The following LRP1B variants were observed in gnomAD, a reference collection of about 807,000 sequenced individuals.
The protein encoded by LRP1B is low-density lipoprotein receptor-related protein 1B.
LRP1B carries 217 observed loss-of-function variants against 556.6 expected under a neutral mutation model. That is an observed-to-expected ratio of 0.39 (90% CI 0.35 to 0.44). The LOEUF is 0.44. Ranked by LOEUF, LRP1B falls within the 20% of genes least tolerant of loss-of-function variation. The pLI, the probability that LRP1B is intolerant of heterozygous loss-of-function variation, is 1.00. For synonymous variants in LRP1B, 2,047 were observed against 1,865.8 expected (o/e 1.10, Z -2.50); for missense variants, 5,053 against 5,620.8 (o/e 0.90, Z 3.23).
chr2:140,239,031 C>A (rs534062900), intron 88 of LRP1B, among the ~76,000 whole-genome samples: 1 of 150,752 alleles, frequency 6.6e-6, no homozygotes, highest in African/African-American at 2.4e-5. Flanking sequence ...TGAATCAATG[C>A]ACTATTTGTG....
At chr2:141,807,098 G>A (rs1008830) in intron 2 of LRP1B, among the ~76,000 whole-genome samples, 25,838 of 151,812 alleles carry the variant, frequency 0.17, 2,794 homozygotes, top group East Asian at 0.35. Flanking sequence ...CTTTCATATC[G>A]AATGTATACA....
chr2:140,817,158 G>A (rs1227045091), intron 31 of LRP1B, among the ~76,000 whole-genome samples: 2 of 152,062 alleles, frequency 1.3e-5, no homozygotes, highest in Non-Finnish European at 2.9e-5. Context: ...CTCAGAATGG[G>A]TGACTTAAAT....
chr2:141,128,983 TA>T (rs1291048399), intron 7 of LRP1B, among the ~76,000 whole-genome samples: 2 of 152,118 alleles, frequency 1.3e-5, no homozygotes, highest in African/African-American at 2.4e-5. Flanking sequence ...TATGAGATTA[TA>T]AAAAGATATT....
chr2:141,291,350 A>G (rs981669200), intron 3 of LRP1B, among the ~76,000 whole-genome samples: 1 of 152,204 alleles, frequency 6.6e-6, no homozygotes, highest in Non-Finnish European at 1.5e-5. Context: ...TTTGACAAGA[A>G]CGACTCAACT....
chr2:140,804,805 A>G (rs1690655827), intron 32 of LRP1B, among the ~76,000 whole-genome samples: 2 of 152,016 alleles, frequency 1.3e-5, no homozygotes, highest in South Asian at 4.1e-4. Context: ...CACTGTATTC[A>G]TTCTTGAGCA....
At chr2:141,639,304 G>GTATATATA (rs577532316) in intron 2 of LRP1B, among the ~76,000 whole-genome samples, 9 of 58,440 alleles carry the variant, frequency 1.5e-4, no homozygotes, top group Admixed American at 2.4e-4. Context: ...CATCATGTGT[G>GTATATATA]TATATATATA....
At chr2:141,649,745 C>T (rs936638471) in intron 2 of LRP1B, among the ~76,000 whole-genome samples, 2 of 152,122 alleles carry the variant, frequency 1.3e-5, no homozygotes, top group East Asian at 3.9e-4. Context: ...AAAAATGATA[C>T]CCTATTGTCA....
Position 140,869,242 on chromosome 2 carries a change from G to A in LRP1B, c.4170-979C>T, listed in dbSNP as rs557931950. Among the ~76,000 whole-genome samples, 14 of 152,056 alleles carry A rather than the reference G, an allele frequency of 9.2e-5. No individual in the cohort carries two copies. In the South Asian group the frequency reaches 2.1e-3, roughly 23 times the overall value. ...TCATTCATTCAATAAATTTTACTCC[G>A]CCTTACTCCCTCTCTAGTATGCATG... On this transcript the variant is annotated intron_variant, in intron 25 of 90. Transcript: ENST00000389484.
chr2:141,183,089 G>A (rs558022305), intron 7 of LRP1B, among the ~76,000 whole-genome samples: 69 of 152,022 alleles, frequency 4.5e-4, no homozygotes, highest in African/African-American at 1.5e-3. Flanking sequence ...GGTTGGGGGT[G>A]GGGGAGCAAT....
rs1681056338 is a variant in LRP1B at position 140,335,726 on chromosome 2, G to C, written c.12005C>G (p.Thr4002Ser). ...HWFSYYTTHW[T>S]SLRYSINVGQ... ...TACGTTGATAGAGTACCTCAGACTG[G>C]TCCAGTGAGTAGTGTAGTAACTGAA... Residue 4002 changes from threonine (T) to serine (S), a missense_variant, in exon 78 of 91, where the codon ACC becomes AGC. By Grantham distance (58) the Thr-to-Ser change is moderately conservative. Transcript: ENST00000389484. The C allele has an allele frequency of 6.2e-7, 1 of 1,611,966 alleles. No homozygotes were observed. Among genetic ancestry groups the C allele is most frequent in the East Asian group, 2.2e-5 (1 of 44,784 alleles).
intron 33 of LRP1B, among the ~76,000 whole-genome samples, chr2:140,771,928 C>T (rs1267295584): frequency 6.6e-6 from 1 of 152,226 alleles, no homozygotes; most frequent in Admixed American, 6.5e-5. Flanking sequence ...CAATGCAGCT[C>T]GTTATTTCTC....
chr2:141,659,400 A>C (rs956679903), intron 2 of LRP1B, among the ~76,000 whole-genome samples: 1 of 152,150 alleles, frequency 6.6e-6, no homozygotes, highest in African/African-American at 2.4e-5. Context: ...TTTATAAAAC[A>C]GTCATGGGGT....
intron 20 of LRP1B, among the ~76,000 whole-genome samples, chr2:140,931,986 T>C (rs997857223): frequency 3.9e-5 from 6 of 152,126 alleles, no homozygotes; most frequent in Non-Finnish European, 5.9e-5. Flanking sequence ...GAAATTACTG[T>C]TTGGTTTACC....
At chr2:140,483,317 G>T (rs1308514665) in intron 59 of LRP1B, among the ~76,000 whole-genome samples, 1 of 151,778 alleles carries the variant, frequency 6.6e-6, no homozygotes, top group Non-Finnish European at 1.5e-5. Flanking sequence ...ACTTAAGGCT[G>T]CTTTCAGTTT....
intron 1 of LRP1B, among the ~76,000 whole-genome samples, chr2:142,016,731 A>G (rs1703144684): frequency 6.6e-6 from 1 of 151,944 alleles, no homozygotes; most frequent in Non-Finnish European, 1.5e-5. Context: ...AATGTAGATG[A>G]CGTAGTGATG....
At chr2:140,722,337 TGGATACCTA>T (rs1318259260) in intron 35 of LRP1B, among the ~76,000 whole-genome samples, 1 of 152,236 alleles carries the variant, frequency 6.6e-6, no homozygotes, top group Non-Finnish European at 1.5e-5. Flanking sequence ...TCATTTCTAC[TGGATACCTA>T]CCCGGAGGTA....
In LRP1B at chr2:141,962,679, C is replaced by T. The variant is rs1212548086; in HGVS notation, c.83-152278G>A. ...AAGAGTATGGCGAGAGACTCAATTA[C>T]ACTAAAAAGGCCACATAAAGATTAG... On this transcript the variant is annotated intron_variant, in intron 1 of 90. Transcript: ENST00000389484. Among the ~76,000 whole-genome samples, 7 of 151,842 alleles carry T rather than the reference C, an allele frequency of 4.6e-5. No homozygotes were observed. The East Asian group carries it at 1.2e-3, about 25-fold the overall frequency.
rs1011962397 is a variant in LRP1B, at chr2:140,434,072, A to AT, written c.10414+8431dup. Among the ~76,000 whole-genome samples the AT allele has an allele frequency of 4.4e-4, 63 of 144,690 alleles. No homozygotes were observed. The East Asian group carries it at 4.9e-3, about 11-fold the overall frequency. 94.9% of individuals were successfully genotyped at this position (144,690 alleles called of 152,430 possible). On this transcript the variant is annotated intron_variant, in intron 66 of 90. Coordinates refer to ENST00000389484, the MANE Select transcript of LRP1B (RefSeq NM_018557.3). Reference sequence around the variant, plus strand: ...CTTTCTTTCTTTCTTTTATTTATTTATTTTTTTTTCATTTTGAGATGGAAT... The same window carrying AT: ...CTTTCTTTCTTTCTTTTATTTATTTATTTTTTTTTTCATTTTGAGATGGAAT...
At chr2:140,766,812 A>T (rs1478486495) in intron 35 of LRP1B, among the ~76,000 whole-genome samples, 1 of 128,522 alleles carries the variant, frequency 7.8e-6, no homozygotes, top group Non-Finnish European at 1.6e-5. Context: ...CTTCCAGGGC[A>T]TCTTTGTAAA....
Sources: gnomAD v4.1 joint callset for allele counts (sites outside exome capture counted in the v4.1 genomes callset) on GRCh38, gnomAD v4.1.1 for gene constraint, MANE v1.5 for transcripts, NCBI Gene and HGNC (gene_info 2026-07-23, HGNC 2026-07-21) for gene names.